Variants in CREB5 observed in about 807,000 individuals in gnomAD.
CREB5 encodes the protein cAMP responsive element binding protein 5, also known as cyclic AMP-responsive element-binding protein 5.
In CREB5, 19 loss-of-function variants were observed where a neutral mutation model predicts 57.1. That is an observed-to-expected ratio of 0.33 (90% CI 0.23 to 0.49). The LOEUF (loss-of-function observed/expected upper bound fraction) is 0.49, where lower values mean the gene tolerates loss of function less well. CREB5 is among the 20% of genes least tolerant of loss of function. The pLI is 0.99. For synonymous variants in CREB5, 238 were observed against 238.3 expected, an observed-to-expected ratio of 1.00 and a Z score of 0.01; for missense variants, 579 against 671.6, an observed-to-expected ratio of 0.86 and a Z score of 1.52.
intron 1 of CREB5, among the ~76,000 whole-genome samples, chr7:28,484,965 G>A (rs998905289): frequency 6.6e-6 from 1 of 152,186 alleles, no homozygotes; most frequent in Non-Finnish European, 1.5e-5. Context: ...TAAGGTATTT[G>A]CTGTAGCTCA....
At chr7:28,385,688 A>G (rs1787076501) in intron 1 of CREB5, among the ~76,000 whole-genome samples, 1 of 151,856 alleles carries the variant, frequency 6.6e-6, no homozygotes, top group African/African-American at 2.4e-5. Context: ...AAAAAAAAAA[A>G]GTATGTATAT....
intron 5 of CREB5, among the ~76,000 whole-genome samples, chr7:28,656,115 C>T (rs1042706856): frequency 6.6e-6 from 1 of 152,168 alleles, no homozygotes; most frequent in Admixed American, 6.5e-5. Context: ...TAAAATTCAG[C>T]CCAGCTTTAC....
chr7:28,679,094 A>C (rs1269671576), intron 5 of CREB5, among the ~76,000 whole-genome samples: 1 of 147,582 alleles, frequency 6.8e-6, no homozygotes, highest in Non-Finnish European at 1.5e-5. Context: ...TTAACAATGA[A>C]AACAGCCAGC....
At chr7:28,747,586 G>GA (rs1218257168) in intron 7 of CREB5, among the ~76,000 whole-genome samples, 3 of 152,190 alleles carry the variant, frequency 2.0e-5, no homozygotes, top group African/African-American at 7.2e-5. Context: ...GCTGAGCAGA[G>GA]AGTAGACACA....
At chr7:28,410,632 G>T (rs1344517718), upstream of CREB5, 1 of 445,070 alleles carries the variant, frequency 2.2e-6, no homozygotes, top group Non-Finnish European at 4.6e-6. Flanking sequence ...CTTGCTCAAG[G>T]CCGGGGACTG....
chr7:28,695,146 G>C (rs898633191), intron 5 of CREB5, among the ~76,000 whole-genome samples: 1 of 152,190 alleles, frequency 6.6e-6, no homozygotes, highest in Non-Finnish European at 1.5e-5. Context: ...AGGATCACTT[G>C]AGCCCGGTAG....
At chr7:28,560,853 T>TGCGCGC (rs1434324324) in intron 4 of CREB5, among the ~76,000 whole-genome samples, 4 of 65,702 alleles carry the variant, frequency 6.1e-5, no homozygotes, top group Non-Finnish European at 1.3e-4. Flanking sequence ...TGCGCGTGTG[T>TGCGCGC]GTGTGCGTGT....
At chr7:28,781,721 C>T (rs1255178815) in intron 7 of CREB5, among the ~76,000 whole-genome samples, 4 of 152,008 alleles carry the variant, frequency 2.6e-5, no homozygotes, top group Admixed American at 1.3e-4. Context: ...GCTATGAATG[C>T]TTCCATGAAA....
At chr7:28,384,805 T>C (rs1787051138) in intron 1 of CREB5, among the ~76,000 whole-genome samples, 1 of 152,186 alleles carries the variant, frequency 6.6e-6, no homozygotes, top group African/African-American at 2.4e-5. Context: ...AACAGAAAGA[T>C]ATTAATCTGA....
intron 1 of CREB5, among the ~76,000 whole-genome samples, chr7:28,310,408 C>G (rs1460450181): frequency 1.3e-5 from 2 of 152,152 alleles, no homozygotes; most frequent in Non-Finnish European, 1.5e-5. Flanking sequence ...GGACAGAAAG[C>G]CTGGAGAACC....
At chr7:28,427,916 G>T (rs1788571225) in intron 1 of CREB5, among the ~76,000 whole-genome samples, 3 of 152,156 alleles carry the variant, frequency 2.0e-5, no homozygotes, top group Admixed American at 2.0e-4. Flanking sequence ...TAAGGATATG[G>T]CAGTGAACCA....
upstream of CREB5, chr7:28,410,515 C>T (rs1787736984): frequency 4.4e-6 from 2 of 456,538 alleles, no homozygotes; most frequent in Non-Finnish European, 8.8e-6. Context: ...TCTTCTTTGC[C>T]ATAGATTTAT....
intron 1 of CREB5, among the ~76,000 whole-genome samples, chr7:28,337,987 G>GA (rs1162955771): frequency 2.0e-5 from 3 of 151,976 alleles, no homozygotes; most frequent in Non-Finnish European, 4.4e-5. Flanking sequence ...CAAGCAAAAA[G>GA]AAAACTAATA....
intron 5 of CREB5, among the ~76,000 whole-genome samples, chr7:28,628,808 T>C (rs1170852551): frequency 6.6e-6 from 1 of 152,190 alleles, no homozygotes; most frequent in Non-Finnish European, 1.5e-5. Context: ...CCAGACACTG[T>C]GCTAATAGTT....
Position 28,608,094 on chromosome 7 carries a change from GTCTCTC to G in CREB5, c.464+37572_464+37577del, listed in dbSNP as rs149947396. Among the ~76,000 whole-genome samples, 344 of 76,732 alleles carry G rather than the reference GTCTCTC, an allele frequency of 4.5e-3. 1 individual carries two copies. The highest frequency in any genetic ancestry group is 0.015 in the African/African-American group (320 of 21,068). The allele number at this position is 76,732 out of a possible 152,430, so 50.3% of individuals were successfully genotyped here. On this transcript the variant is annotated intron_variant, in intron 5 of 10. Coordinates refer to ENST00000357727, the MANE Select transcript of CREB5 (RefSeq NM_182898.4). ...ATTTCACACCCATGCCTCTCTCTCT[GTCTCTC>G]TCTCTCTCTCTCTCACACACACTCA...
intron 5 of CREB5, among the ~76,000 whole-genome samples, chr7:28,641,822 C>G (rs1290357050): frequency 6.6e-6 from 1 of 152,218 alleles, no homozygotes; most frequent in Non-Finnish European, 1.5e-5. Flanking sequence ...TTCTGCTCCT[C>G]TGACCTGCAG....
At chr7:28,519,835 A>C (rs1186961821) in intron 4 of CREB5, among the ~76,000 whole-genome samples, 1 of 152,226 alleles carries the variant, frequency 6.6e-6, no homozygotes, top group Non-Finnish European at 1.5e-5. Flanking sequence ...TGCTCTTCTT[A>C]AATTTGATTG....
chr7:28,700,592 G>A (rs368841095), intron 5 of CREB5, among the ~76,000 whole-genome samples: 2 of 152,288 alleles, frequency 1.3e-5, no homozygotes, highest in South Asian at 2.1e-4. Context: ...ACAAAGTTAG[G>A]TGGGACTAAA....
chr7:28,546,834 AGC>A (rs1172952078), intron 4 of CREB5, among the ~76,000 whole-genome samples: 1 of 152,208 alleles, frequency 6.6e-6, no homozygotes, highest in Non-Finnish European at 1.5e-5. Flanking sequence ...AAATTGTCCA[AGC>A]CTCAGCTTCC....
Sources: gnomAD v4.1 joint callset for allele counts (sites outside exome capture counted in the v4.1 genomes callset) on GRCh38, gnomAD v4.1.1 for gene constraint, MANE v1.5 for transcripts, NCBI Gene and HGNC (gene_info 2026-07-23, HGNC 2026-07-21) for gene names.